Variants in TUBG2 observed in about 807,000 individuals in gnomAD.
The protein encoded by TUBG2 is tubulin gamma-2 chain.
In TUBG2, 39 loss-of-function variants were observed where a neutral mutation model predicts 55.1. That is an observed-to-expected ratio of 0.71 (90% CI 0.55 to 0.93). TUBG2 has a LOEUF of 0.93. Ranked by LOEUF, TUBG2 falls within the 40% of genes least tolerant of loss-of-function variation. The pLI, the probability that TUBG2 is intolerant of heterozygous loss-of-function variation, is 0.00. For synonymous variants in TUBG2, 223 were observed against 241.0 expected (o/e 0.93, Z 0.69); for missense variants, 358 against 599.1 (o/e 0.60, Z 4.20).
chr17:42,663,583 G>A (rs2052443246), intron 6 of TUBG2, 80 bp downstream of exon 6: 3 of 1,555,704 alleles, frequency 1.9e-6, no homozygotes, highest in Non-Finnish European at 2.6e-6. Context: ...CTAGGCAGAT[G>A]GATTGCTTGA....
chr17:42,663,639 T>G, intron 6 of TUBG2, 136 bp downstream of exon 6: 3 of 1,147,660 alleles, frequency 2.6e-6, no homozygotes, highest in East Asian at 5.1e-5. Flanking sequence ...AAACCCTATC[T>G]CCACAGAAAA....
chr17:42,666,516 GTC>G (rs772585047), intron 10 of TUBG2, 32 bp downstream of exon 10: 2 of 1,613,738 alleles, frequency 1.2e-6, no homozygotes, highest in Non-Finnish European at 1.7e-6. Flanking sequence ...TCTTAGAAGA[GTC>G]TGTTCCACTG....
chr17:42,660,443 C>T, intron 3 of TUBG2, 127 bp downstream of exon 3: 1 of 1,503,304 alleles, frequency 6.7e-7, no homozygotes. Context: ...ACAAGAGGGA[C>T]AGCCAGGGAG....
rs1371876458 is a variant in TUBG2 at position 42,665,479 on chromosome 17, G to C, written c.610G>C (p.Val204Leu). 9 of 1,614,018 alleles carry C rather than the reference G, an allele frequency of 5.6e-6. No individual in the cohort carries two copies. In the East Asian group the frequency reaches 1.8e-4, roughly 32 times the overall value. ...TGATGCTCTTCTGTCCCCCCAGGTG[G>C]TGCTGGACAACACAGCCCTGAACCG... The part of the protein sequence containing the change: ...RLTQNADCVV[V>L]LDNTALNRIA... The change falls in exon 7 of 11, where the codon GTG becomes CTG. Residue 204 changes from valine to leucine, a missense_variant. Physicochemically the swap from Val to Leu is conservative, Grantham distance 32. Transcript: ENST00000251412.
chr17:42,659,633 C>T, intron 1 of TUBG2, 81 bp downstream of exon 1: 3 of 1,450,888 alleles, frequency 2.1e-6, no homozygotes, highest in Non-Finnish European at 2.8e-6. Context: ...TCCACCAGTC[C>T]CCCTTTCCCT....
Position 42,665,151 on chromosome 17 carries a change from C to A in TUBG2, c.607-325C>A, listed in dbSNP as rs182897442. On this transcript the variant is annotated intron_variant, in intron 6 of 10. Transcript: ENST00000251412. ...CAAACTCCGCCTCCCGGGTTCATGC[C>A]ATTCTCCTGCCTCAGCCTCCGAATT... 3.1e-3 allele frequency among the ~76,000 whole-genome samples: 472 copies of A among 152,132 alleles called. 2 individuals are homozygous for A. Among genetic ancestry groups the A allele is most frequent in the African/African-American group, 0.01 (425 of 41,524 alleles).
At position 42,666,489 on chromosome 17, in the gene TUBG2, G is replaced by A. The variant is rs1240000095; in HGVS notation, c.1158+5G>A. On this transcript the variant is annotated splice_donor_5th_base_variant and intron_variant, in intron 10 of 10. Transcript: ENST00000251412. ...AACCACACCAGCATCTCCTCGGTGAGTCTAGGTTTCTATTCTTCTTAGAAG... is the reference window on the plus strand; with the variant it reads ...AACCACACCAGCATCTCCTCGGTGAATCTAGGTTTCTATTCTTCTTAGAAG... The A allele has an allele frequency of 1.2e-6, 2 of 1,614,082 alleles. No individual in the cohort carries two copies. Among genetic ancestry groups the A allele is most frequent in the Non-Finnish European group, 1.7e-6 (2 of 1,179,966 alleles).
At chr17:42,660,746 C>A in intron 4 of TUBG2, 39 bp downstream of exon 4, 1 of 1,594,098 alleles carries the variant, frequency 6.3e-7, no homozygotes, top group Non-Finnish European at 8.6e-7. Flanking sequence ...GGCAGGGAGG[C>A]CGAAGAGTGC....
chr17:42,665,019 TTTTATTTTATTTTA>T (rs1446331655), intron 6 of TUBG2, among the ~76,000 whole-genome samples: 5 of 150,600 alleles, frequency 3.3e-5, no homozygotes, highest in South Asian at 2.1e-4. Context: ...CCAGCAGTAC[TTTTATTTTATTTTA>T]TTTATTTTAT....
At chr17:42,660,768 C>CA in intron 4 of TUBG2, 61 bp downstream of exon 4, 1 of 1,491,802 alleles carries the variant, frequency 6.7e-7, no homozygotes, top group Non-Finnish European at 9.2e-7. Context: ...GGGGACAGGT[C>CA]AGGAGGTGGC....
rs776011540 is a variant in TUBG2 at position 42,666,619 on chromosome 17, GC to G, written c.1177del (p.Gln393SerfsTer70). 1.9e-6 allele frequency: 3 copies of G among 1,614,212 alleles called. No individual in the cohort carries two copies. The South Asian group carries it at 3.3e-5, about 18-fold the overall frequency. The stretch of plus-strand genomic sequence containing the variant: ...CTCTTTCAGCTCTTTGAAAGTTCCT[GC>G]CAGCAGTTTGACAAGCTGCGGAAGC... ...TSISSLFESSCQQFDKLRKRD... is the reference protein window; with the variant it reads ...TSISSLFESSXQQFDKLRKRD... On this transcript the variant is annotated frameshift_variant, in exon 11 of 11. Coordinates refer to ENST00000251412, the MANE Select transcript of TUBG2 (RefSeq NM_016437.3). LOFTEE classifies it high-confidence loss of function.
rs1384186495 is a variant in TUBG2, at chr17:42,659,428, G to T, written c.-76G>T. On this transcript the variant is annotated 5_prime_UTR_variant, in exon 1 of 11. Transcript: ENST00000251412. ...AGAGCGCGCGCTCCCCACGTCCTGC[G>T]CTCCTGGCTGCCGGGCATTCGTCTC... The T allele has an allele frequency of 2.7e-6, 4 of 1,472,106 alleles. No homozygotes were observed. The highest frequency in any genetic ancestry group is 3.7e-6 in the Non-Finnish European group (4 of 1,093,884). The allele number at this position is 1,472,106 out of a possible 1,614,324, so 91.2% of individuals were successfully genotyped here.
intron 2 of TUBG2, 33 bp downstream of exon 2, chr17:42,659,979 G>T (rs526779): frequency 0.55 from 813,444 of 1,473,490 alleles, 234,706 homozygotes; most frequent in African/African-American, 0.75. Flanking sequence ...GGGCGGCAGT[G>T]GCCCAAGGGG....
intron 4 of TUBG2, among the ~76,000 whole-genome samples, chr17:42,661,866 A>C (rs1597771751): frequency 6.6e-6 from 1 of 152,250 alleles, no homozygotes; most frequent in Non-Finnish European, 1.5e-5. Context: ...AGAGGCACAG[A>C]TAAAACAACC....
Position 42,666,229 on chromosome 17 carries a change from A to G in TUBG2, c.986A>G (p.Asp329Gly). ...AILNIIQGEV[D>G]PTQVHKSLQR... Reference sequence around the variant, plus strand: ...CTCAACATCATCCAGGGAGAGGTGGACCCCACCCAGGTAGGGGAGGCCCCT... The same window carrying G: ...CTCAACATCATCCAGGGAGAGGTGGGCCCCACCCAGGTAGGGGAGGCCCCT... Residue 329 changes from aspartate (D) to glycine (G), a missense_variant, in exon 9 of 11, where the codon GAC (aspartate) becomes GGC (glycine). Asp to Gly is a moderately conservative substitution (Grantham distance 94, BLOSUM62 -1). This residue lies in a region of TUBG2 where 129 missense variants were observed against 251.6 expected (regional missense o/e 0.51). Coordinates refer to ENST00000251412, the MANE Select transcript of TUBG2 (RefSeq NM_016437.3). 1 of 1,613,688 alleles carries G rather than the reference A, an allele frequency of 6.2e-7. No individual in the cohort carries two copies. Among genetic ancestry groups the G allele is most frequent in the Non-Finnish European group, 8.5e-7 (1 of 1,179,806 alleles).
rs55953483 is a variant in TUBG2 at position 42,659,317 on chromosome 17, G to C, written c.-187G>C. ...TGCGACTGCTGAGGGAGAAAATGAT[G>C]CCCAGGTTGGGCTCCCCGGCCCACC... On this transcript the variant is annotated 5_prime_UTR_variant, in exon 1 of 11. An upstream start codon of the reference 5' UTR is lost. Transcript: ENST00000251412. 4.7e-5 allele frequency: 26 copies of C among 551,338 alleles called. No homozygotes were observed. Among genetic ancestry groups the C allele is most frequent in the Non-Finnish European group, 7.5e-5 (24 of 321,344 alleles). 34.2% of individuals were successfully genotyped at this position (551,338 alleles called of 1,614,324 possible).
chr17:42,659,611 A>G, intron 1 of TUBG2, 59 bp downstream of exon 1: 1 of 1,509,284 alleles, frequency 6.6e-7, no homozygotes, highest in Non-Finnish European at 8.9e-7. Context: ...GGTCCCACCC[A>G]AGTGCCTGGC....
At chr17:42,665,933 C>T (rs375791558) in intron 8 of TUBG2, 106 bp downstream of exon 8, 2 of 1,588,386 alleles carry the variant, frequency 1.3e-6, no homozygotes. Context: ...CCTTTGCAGG[C>T]CCCAAGGCAC....
At chr17:42,666,261 C>G (rs200189962) in intron 9 of TUBG2, 22 bp downstream of exon 9, 1 of 1,613,914 alleles carries the variant, frequency 6.2e-7, no homozygotes, top group Non-Finnish European at 8.5e-7. Flanking sequence ...CCCTTCATCC[C>G]GCGCCCTGGA....
Sources: gnomAD v4.1 joint callset for allele counts (sites outside exome capture counted in the v4.1 genomes callset) on GRCh38, gnomAD v4.1.1 for gene constraint, gnomAD v4.1.1 regional missense constraint, MANE v1.5 for transcripts, NCBI Gene and HGNC (gene_info 2026-07-23, HGNC 2026-07-21) for gene names.